SLC25A31: variants seen among roughly 807,000 people sequenced by gnomAD.
SLC25A31 encodes the protein solute carrier family 25 member 31.
Under a neutral mutation model 36.2 loss-of-function variants are expected in SLC25A31, and 40 were observed. The observed-to-expected ratio is 1.10, with a 90% CI of 0.86 to 1.44. The LOEUF (loss-of-function observed/expected upper bound fraction) is 1.44. Ranked by LOEUF, SLC25A31 falls within the 40% of genes most tolerant of loss-of-function variation. The pLI is 0.00. For missense variants in SLC25A31, 350 were observed against 397.1 expected (o/e 0.88, Z 1.01); for synonymous variants, 143 against 149.7 (o/e 0.96, Z 0.32).
intron 2 of SLC25A31, among the ~76,000 whole-genome samples, chr4:127,745,810 T>C (rs949344459): frequency 4.6e-5 from 7 of 152,162 alleles, no homozygotes; most frequent in African/African-American, 1.7e-4. Context: ...GAGGTTTTTT[T>C]ACTTTTATTT....
intron 1 of SLC25A31, among the ~76,000 whole-genome samples, chr4:127,743,742 G>A (rs1731773774): frequency 6.6e-6 from 1 of 152,006 alleles, no homozygotes; most frequent in Non-Finnish European, 1.5e-5. Context: ...TTTCCCACAG[G>A]GTTAATGTTA....
At chr4:127,760,035 C>T (rs987614622) in intron 2 of SLC25A31, among the ~76,000 whole-genome samples, 1 of 152,140 alleles carries the variant, frequency 6.6e-6, no homozygotes, top group Non-Finnish European at 1.5e-5. Context: ...AGGGATCCTT[C>T]TCATGGAACT....
At chr4:127,750,647 T>A (rs1160652975) in intron 2 of SLC25A31, among the ~76,000 whole-genome samples, 25 of 152,120 alleles carry the variant, frequency 1.6e-4, no homozygotes, top group Admixed American at 1.6e-3. Flanking sequence ...TGTAGAGTTT[T>A]TATGTGCAGT....
At chr4:127,736,886 A>G (rs1731643300) in intron 1 of SLC25A31, among the ~76,000 whole-genome samples, 1 of 152,252 alleles carries the variant, frequency 6.6e-6, no homozygotes, top group Admixed American at 6.5e-5. Context: ...ATAAACTTGC[A>G]TTATGCATAG....
Position 127,730,565 on chromosome 4 carries a change from AAAAG to A in SLC25A31, c.23_26del (p.Lys8ArgfsTer36). The A allele has an allele frequency of 6.2e-7, 1 of 1,613,894 alleles. No homozygotes were observed. Among genetic ancestry groups the A allele is most frequent in the Admixed American group, 1.7e-5 (1 of 60,030 alleles). ...TCCATCATGCATCGTGAGCCTGCGAAAAAGAAGGCAGAAAAGCGGCTGTTTGACG... is the reference window on the plus strand; with the variant it reads ...TCCATCATGCATCGTGAGCCTGCGAAAAGGCAGAAAAGCGGCTGTTTGACG... On this transcript the variant is annotated frameshift_variant, in exon 1 of 6. Coordinates refer to ENST00000281154, the MANE Select transcript of SLC25A31 (RefSeq NM_031291.4). LOFTEE classifies it high-confidence loss of function.
chr4:127,731,240 GTC>G (rs569318885), intron 1 of SLC25A31, among the ~76,000 whole-genome samples: 40 of 152,290 alleles, frequency 2.6e-4, no homozygotes, highest in Non-Finnish European at 5.0e-4. Context: ...GAAATAGTAT[GTC>G]TAAGAGAAGT....
In SLC25A31 at chr4:127,730,459, GCGGTTTTC is replaced by G; in HGVS notation, c.-76_-69del. On this transcript the variant is annotated 5_prime_UTR_variant, in exon 1 of 6. The change creates a premature stop within an existing upstream ORF in the 5' untranslated region. Coordinates refer to ENST00000281154, the MANE Select transcript of SLC25A31 (RefSeq NM_031291.4). The stretch of plus-strand genomic sequence containing the variant: ...ACTTTCTCGCCAGTACGATGCTGCA[GCGGTTTTC>G]CGGTTTTCCGCTTCCCTTCATCGTA... 7.3e-7 allele frequency: 1 copy of G among 1,369,742 alleles called. No homozygotes were observed. The highest frequency in any genetic ancestry group is 1.0e-6 in the Non-Finnish European group (1 of 983,760). 84.8% of individuals were successfully genotyped at this position (1,369,742 alleles called of 1,614,324 possible).
At chr4:127,733,463 A>G (rs1220906106) in intron 1 of SLC25A31, among the ~76,000 whole-genome samples, 1 of 152,186 alleles carries the variant, frequency 6.6e-6, no homozygotes, top group African/African-American at 2.4e-5. Flanking sequence ...TGGATTAGTG[A>G]TGCTCAACCT....
At chr4:127,772,225 A>G (rs1732377589) in intron 5 of SLC25A31, among the ~76,000 whole-genome samples, 3 of 152,236 alleles carry the variant, frequency 2.0e-5, no homozygotes, top group Non-Finnish European at 4.4e-5. Flanking sequence ...TTATGAGAAG[A>G]TATTCAACAA....
chr4:127,734,337 A>G (rs1013049953), intron 1 of SLC25A31, among the ~76,000 whole-genome samples: 2 of 152,146 alleles, frequency 1.3e-5, no homozygotes, highest in Admixed American at 6.6e-5. Context: ...AGGTGGGCAG[A>G]TCACTTGAGG....
intron 1 of SLC25A31, among the ~76,000 whole-genome samples, chr4:127,743,602 G>A (rs772577910): frequency 1.2e-4 from 19 of 152,156 alleles, no homozygotes; most frequent in Non-Finnish European, 2.5e-4. Context: ...ACCATCACAT[G>A]TTGAATACTC....
chr4:127,744,419 A>G (rs1731785368), intron 1 of SLC25A31, among the ~76,000 whole-genome samples: 1 of 152,214 alleles, frequency 6.6e-6, no homozygotes, highest in Admixed American at 6.5e-5. Context: ...AGAGCCCTGT[A>G]TTCAACTGAT....
chr4:127,739,665 C>T (rs181166274), intron 1 of SLC25A31, among the ~76,000 whole-genome samples: 25 of 152,152 alleles, frequency 1.6e-4, no homozygotes, highest in African/African-American at 6.0e-4. Context: ...GAATTATTTC[C>T]TCAAATATGT....
At chr4:127,736,975 G>A (rs1414326995) in intron 1 of SLC25A31, among the ~76,000 whole-genome samples, 2 of 152,112 alleles carry the variant, frequency 1.3e-5, no homozygotes, top group African/African-American at 4.8e-5. Flanking sequence ...GAATTAAAAC[G>A]CTGAAACCTG....
At chr4:127,755,468 A>G (rs911401741) in intron 2 of SLC25A31, among the ~76,000 whole-genome samples, 4 of 152,230 alleles carry the variant, frequency 2.6e-5, no homozygotes, top group Non-Finnish European at 5.9e-5. Context: ...ACCTGATTAG[A>G]AAATGTACCA....
intron 2 of SLC25A31, among the ~76,000 whole-genome samples, chr4:127,750,757 T>C (rs1351366916): frequency 6.9e-6 from 1 of 144,580 alleles, no homozygotes; most frequent in Middle Eastern, 3.3e-3. Context: ...CTCTAGTAAA[T>C]ACAAAAAAAA....
chr4:127,751,186 C>T (rs1002488792), intron 2 of SLC25A31, among the ~76,000 whole-genome samples: 1 of 152,154 alleles, frequency 6.6e-6, no homozygotes, highest in Non-Finnish European at 1.5e-5. Flanking sequence ...TACAAGGCTA[C>T]AGTAACCAAA....
Position 127,730,478 on chromosome 4 carries a change from C to A in SLC25A31, c.-68C>A. Reference sequence around the variant, plus strand: ...GCTGCAGCGGTTTTCCGGTTTTCCGCTTCCCTTCATCGTAGCTCCCGTACT... The same window carrying A: ...GCTGCAGCGGTTTTCCGGTTTTCCGATTCCCTTCATCGTAGCTCCCGTACT... On this transcript the variant is annotated 5_prime_UTR_variant, in exon 1 of 6. Transcript: ENST00000281154. 6.6e-7 allele frequency: 1 copy of A among 1,512,760 alleles called. No homozygotes were observed. Among genetic ancestry groups the A allele is most frequent in the Non-Finnish European group, 9.1e-7 (1 of 1,100,250 alleles). 93.7% of individuals were successfully genotyped at this position (1,512,760 alleles called of 1,614,324 possible). A position where few individuals can be genotyped will look rare whatever the true frequency, so the allele number is the denominator to read the frequency against.
intron 5 of SLC25A31, among the ~76,000 whole-genome samples, chr4:127,772,998 G>T (rs1187609379): frequency 6.6e-6 from 1 of 151,924 alleles, no homozygotes; most frequent in Non-Finnish European, 1.5e-5. Context: ...GCCCAGGGTG[G>T]TCTCAAACTC....
Sources: gnomAD v4.1 joint callset for allele counts (sites outside exome capture counted in the v4.1 genomes callset) on GRCh38, gnomAD v4.1.1 for gene constraint, MANE v1.5 for transcripts, NCBI Gene and HGNC (gene_info 2026-07-23, HGNC 2026-07-21) for gene names.